ERC2: variants seen among roughly 807,000 people sequenced by gnomAD.
ERC2 encodes ELKS/RAB6-interacting/CAST family member 2, also known as ERC protein 2.
Under a neutral mutation model 114.8 loss-of-function variants are expected in ERC2, and 42 were observed. That is an observed-to-expected ratio of 0.37 (90% CI 0.29 to 0.47). ERC2 has a LOEUF of 0.47. ERC2 is among the 20% of genes least tolerant of loss of function. The probability of loss-of-function intolerance (pLI) is 0.99; values close to 1 mark genes in which losing one functional copy is unlikely to be tolerated. For synonymous variants in ERC2, 454 were observed against 425.5 expected, an observed-to-expected ratio of 1.07 and a Z score of -0.82; for missense variants, 939 against 1,150.7, an observed-to-expected ratio of 0.82 and a Z score of 2.66.
rs67320179 is a variant in ERC2 at position 56,311,255 on chromosome 3, CTATATATATATATA to C, written c.658-14834_658-14821del. On this transcript the variant is annotated intron_variant, in intron 2 of 17. Coordinates refer to ENST00000288221, the MANE Select transcript of ERC2 (RefSeq NM_015576.3). ...CTTCTCTCTCTCTCTCTCTCTCTCT[CTATATATATATATA>C]TATATATATATATATATATATACAC... 6.3e-5 allele frequency among the ~76,000 whole-genome samples: 5 copies of C among 79,062 alleles called. No homozygotes were observed. In the East Asian group the frequency reaches 1.1e-3, roughly 17 times the overall value. 51.9% of individuals were successfully genotyped at this position (79,062 alleles called of 152,430 possible).
chr3:56,300,296 G>C (rs373103653), intron 2 of ERC2, among the ~76,000 whole-genome samples: 7 of 142,140 alleles, frequency 4.9e-5, no homozygotes, highest in Admixed American at 1.4e-4. Context: ...AAAAAAAAAA[G>C]AAAAACAAAA....
intron 12 of ERC2, among the ~76,000 whole-genome samples, chr3:55,967,288 AGT>A (rs1360821112): frequency 1.3e-5 from 2 of 152,216 alleles, no homozygotes; most frequent in Non-Finnish European, 2.9e-5. Flanking sequence ...GTAGGTAATA[AGT>A]CAAATTTTTT....
chr3:55,684,951 C>T (rs968524400), intron 16 of ERC2, among the ~76,000 whole-genome samples: 1 of 152,148 alleles, frequency 6.6e-6, no homozygotes, highest in Non-Finnish European at 1.5e-5. Flanking sequence ...CATTATTTGA[C>T]TCCTTATTGG....
At chr3:55,545,503 G>A (rs1418978495) in intron 17 of ERC2, among the ~76,000 whole-genome samples, 1 of 152,232 alleles carries the variant, frequency 6.6e-6, no homozygotes, top group Non-Finnish European at 1.5e-5. Context: ...TCACAGGAGT[G>A]CCAGGCATTG....
intron 7 of ERC2, among the ~76,000 whole-genome samples, chr3:56,075,457 AG>A (rs2076929199): frequency 6.6e-6 from 1 of 152,200 alleles, no homozygotes; most frequent in South Asian, 2.1e-4. Context: ...CTGGTTCTAC[AG>A]ACCAGATATT....
At chr3:56,146,526 G>C (rs897090523) in intron 5 of ERC2, among the ~76,000 whole-genome samples, 3 of 152,050 alleles carry the variant, frequency 2.0e-5, no homozygotes, top group African/African-American at 7.2e-5. Flanking sequence ...TTTCTCATTA[G>C]TCAAGTTAAA....
intron 12 of ERC2, among the ~76,000 whole-genome samples, chr3:55,980,081 C>T (rs1289222524): frequency 7.0e-6 from 1 of 141,956 alleles, no homozygotes; most frequent in Non-Finnish European, 1.5e-5. Flanking sequence ...ATAGAACCCA[C>T]TATGTTTGCA....
At chr3:55,976,344 A>G (rs1214711837) in intron 12 of ERC2, among the ~76,000 whole-genome samples, 1 of 152,148 alleles carries the variant, frequency 6.6e-6, no homozygotes, top group East Asian at 1.9e-4. Flanking sequence ...CTCATGAAGC[A>G]AGAGTTGGCT....
intron 15 of ERC2, among the ~76,000 whole-genome samples, chr3:55,731,668 A>G (rs2065259721): frequency 2.6e-5 from 4 of 152,202 alleles, no homozygotes; most frequent in Admixed American, 2.6e-4. Flanking sequence ...TGGTATATCC[A>G]ACTGTGAGGC....
chr3:56,359,244 T>C (rs1029649928), intron 2 of ERC2, among the ~76,000 whole-genome samples: 1 of 152,218 alleles, frequency 6.6e-6, no homozygotes, highest in Non-Finnish European at 1.5e-5. Flanking sequence ...AACTTCTCAA[T>C]TTCCTTTTTC....
At chr3:56,080,148 A>G (rs1009523182) in intron 7 of ERC2, among the ~76,000 whole-genome samples, 1 of 152,174 alleles carries the variant, frequency 6.6e-6, no homozygotes, top group African/African-American at 2.4e-5. Flanking sequence ...AAGAGAAGGC[A>G]GGATACTCAA....
At chr3:55,784,593 C>T (rs1559649348) in intron 14 of ERC2, among the ~76,000 whole-genome samples, 6 of 152,200 alleles carry the variant, frequency 3.9e-5, no homozygotes, top group South Asian at 4.1e-4. Flanking sequence ...CGTCTCTTAA[C>T]GTGAACAGTT....
At chr3:55,786,132 A>G (rs990462117) in intron 14 of ERC2, among the ~76,000 whole-genome samples, 31 of 152,252 alleles carry the variant, frequency 2.0e-4, no homozygotes, top group Admixed American at 7.8e-4. Flanking sequence ...GCCAGCATAC[A>G]GTAGAACAAT....
intron 14 of ERC2, among the ~76,000 whole-genome samples, chr3:55,750,105 G>A (rs891894083): frequency 2.6e-5 from 4 of 152,098 alleles, no homozygotes; most frequent in South Asian, 2.1e-4. Flanking sequence ...ACGATGCTAC[G>A]TGTTATGAAG....
chr3:55,983,022 G>A (rs1252160660), intron 12 of ERC2, among the ~76,000 whole-genome samples: 7 of 152,176 alleles, frequency 4.6e-5, no homozygotes, highest in African/African-American at 1.4e-4. Context: ...CAGTGCACGC[G>A]GTCCATCACC....
chr3:55,579,314 G>A (rs935666657), intron 17 of ERC2, among the ~76,000 whole-genome samples: 5 of 151,762 alleles, frequency 3.3e-5, no homozygotes, highest in African/African-American at 4.8e-5. Flanking sequence ...CATTTGGTAC[G>A]TTTTTCAATT....
At chr3:55,638,027 G>C (rs815467) in intron 17 of ERC2, among the ~76,000 whole-genome samples, 142,051 of 152,268 alleles carry the variant, frequency 0.93, 66,328 homozygotes, top group East Asian at 1. Context: ...AGGCTCTTAA[G>C]CCAGATTCCT....
At chr3:55,697,982 A>AGTG (rs972258877) in intron 16 of ERC2, among the ~76,000 whole-genome samples, 13 of 152,034 alleles carry the variant, frequency 8.6e-5, no homozygotes, top group African/African-American at 2.4e-4. Context: ...GGGAGGTGGT[A>AGTG]GTGGTGGTGG....
chr3:55,854,315 T>C (rs2061697006), intron 14 of ERC2, among the ~76,000 whole-genome samples: 1 of 152,178 alleles, frequency 6.6e-6, no homozygotes, highest in Admixed American at 6.5e-5. Flanking sequence ...TAGATAAGAT[T>C]TAAAATCCCC....
Sources: gnomAD v4.1 joint callset for allele counts (sites outside exome capture counted in the v4.1 genomes callset) on GRCh38, gnomAD v4.1.1 for gene constraint, MANE v1.5 for transcripts, NCBI Gene and HGNC (gene_info 2026-07-23, HGNC 2026-07-21) for gene names.